The following INF2 variants were observed in gnomAD, a reference collection of about 807,000 sequenced individuals.
The protein encoded by INF2 is inverted formin-2.
A neutral mutation model predicts 123.5 loss-of-function variants in INF2; 43 were observed. The ratio of observed to expected loss-of-function variants is 0.35; its 90% CI spans 0.27 to 0.45. The LOEUF (loss-of-function observed/expected upper bound fraction) is 0.45, where lower values mean the gene tolerates loss of function less well. Among genes scored for constraint, INF2 ranks in the 20% least tolerant of loss-of-function variants. The pLI is 1.00. For missense variants in INF2, 1,453 were observed against 1,682.7 expected, an observed-to-expected ratio of 0.86 and a Z score of 2.39; for synonymous variants, 851 against 745.0, an observed-to-expected ratio of 1.14 and a Z score of -2.32.
rs554841395 is a variant in INF2 at position 104,722,261 on chromosome 14, T to C, written c.*3468T>C. On this transcript the variant is annotated 3_prime_UTR_variant, in exon 23 of 23. Transcript: ENST00000392634. ...TACCCGGGCCCGTGGCTATTTATAGTCCGGGCCTGGAGAAGTCAGTGAGTC... is the reference window on the plus strand; with the variant it reads ...TACCCGGGCCCGTGGCTATTTATAGCCCGGGCCTGGAGAAGTCAGTGAGTC... 1 of 152,380 alleles carries C rather than the reference T, an allele frequency of 6.6e-6. No homozygotes were observed. The highest frequency in any genetic ancestry group is 2.4e-5 in the African/African-American group (1 of 41,554). 9.4% of individuals were successfully genotyped at this position (152,380 alleles called of 1,614,324 possible).
intron 1 of INF2, among the ~76,000 whole-genome samples, chr14:104,697,116 C>T (rs1459213629): frequency 6.6e-6 from 1 of 152,244 alleles, no homozygotes; most frequent in East Asian, 1.9e-4. Context: ...CCTCTCCCTT[C>T]CCTACCAGTG....
chr14:104,719,034 T>A lies in INF2; in HGVS notation c.*241T>A. ...CCTGGACCGCCTGCACGTGCCAGCC[T>A]CCCACCTGCTTCCTAAAGGCAACCC... On this transcript the variant is annotated 3_prime_UTR_variant, in exon 23 of 23. Coordinates refer to ENST00000392634, the MANE Select transcript of INF2 (RefSeq NM_022489.4). 3 of 944,392 alleles carry A rather than the reference T, an allele frequency of 3.2e-6. No individual in the cohort carries two copies. The highest frequency in any genetic ancestry group is 4.5e-6 in the Non-Finnish European group (3 of 672,416). The allele number at this position is 944,392 out of a possible 1,614,324, so 58.5% of individuals were successfully genotyped here.
At chr14:104,688,244 C>G (rs548596497), upstream of INF2, among the ~76,000 whole-genome samples, 1 of 152,384 alleles carries the variant, frequency 6.6e-6, no homozygotes, top group East Asian at 1.9e-4. Flanking sequence ...GCAGCTGCTC[C>G]TGCACTGGGG....
Position 104,707,745 on chromosome 14 carries a change from C to G in INF2, c.1478C>G (p.Pro493Arg), listed in dbSNP as rs1373195576. The change falls in exon 8 of 23, where the codon CCA (proline) becomes CGA (arginine). Residue 493 changes from proline (P) to arginine (R), a missense_variant. By Grantham distance (103) the Pro-to-Arg change is moderately radical. Transcript: ENST00000392634. ...SCEFLPPPPP[P>R]LPGLGCPPPP... ...GAGTTCCTGCCCCCACCACCTCCAC[C>G]ACTCCCGGGCTTGGGATGCCCGCCC... is the stretch of plus-strand genomic sequence containing the variant. The G allele has an allele frequency of 7.4e-7, 1 of 1,353,142 alleles. No homozygotes were observed. The highest frequency in any genetic ancestry group is 1.0e-6 in the Non-Finnish European group (1 of 986,454). The allele number at this position is 1,353,142 out of a possible 1,614,324, so 83.8% of individuals were successfully genotyped here.
At chr14:104,713,658 C>G (rs1381939351) in intron 20 of INF2, 52 bp downstream of exon 20, 6 of 1,577,376 alleles carry the variant, frequency 3.8e-6, no homozygotes, top group East Asian at 2.3e-5. Flanking sequence ...CTGTCCCTAC[C>G]CTGTGCCTCC....
rs1437634396 is a variant in INF2, at chr14:104,699,022, G to A, written c.-9-2335G>A. ...CCCACTGACCAAGGGGGATCCTCTT[G>A]ACTGGGGTCTTTCAGGGGCTTGCAC... On this transcript the variant is annotated intron_variant, in intron 1 of 22. Transcript: ENST00000392634. This position sits in a 1 kb window ranked among gnomAD's most constrained non-coding sequence, Gnocchi z 4.7. Among the ~76,000 whole-genome samples, 5 of 152,196 alleles carry A rather than the reference G, an allele frequency of 3.3e-5. No individual in the cohort carries two copies. Among genetic ancestry groups the A allele is most frequent in the African/African-American group, 1.2e-4 (5 of 41,440 alleles).
At chr14:104,698,094 G>C (rs1280208948) in intron 1 of INF2, among the ~76,000 whole-genome samples, 1 of 152,240 alleles carries the variant, frequency 6.6e-6, no homozygotes, top group African/African-American at 2.4e-5. Context: ...CCTACAGCCG[G>C]GGCTGGGGAG....
intron 22 of INF2, 39 bp from the exon 23 acceptor site, chr14:104,718,756 A>G: frequency 6.2e-7 from 1 of 1,610,758 alleles, no homozygotes; most frequent in African/African-American, 1.3e-5. Context: ...TACCCAGCAA[A>G]ACTGCTCCTA....
chr14:104,713,588 C>T lies in INF2; in HGVS notation c.3022C>T (p.Pro1008Ser). The T allele has an allele frequency of 6.2e-7, 1 of 1,612,570 alleles. No individual in the cohort carries two copies. Among genetic ancestry groups the T allele is most frequent in the African/African-American group, 1.3e-5 (1 of 75,036 alleles). The change falls in exon 20 of 23, where the codon CCA (proline) becomes TCA (serine). Residue 1008 changes from proline (P) to serine (S), a missense_variant. Pro to Ser is a moderately conservative substitution (Grantham distance 74). This residue lies in a region of INF2 where 344 missense variants were observed against 333.1 expected (regional missense o/e 1.03). Transcript: ENST00000392634. ...GGSKAASMDP[P>S]RATEPVATSN... ...CAGCAAGGCAGCCTCCATGGATCCC[C>T]CAAGAGCCACAGAGCCTGGTAAGAC... is the stretch of plus-strand genomic sequence containing the variant.
chr14:104,710,437 ACT>A (rs567997527), intron 13 of INF2, among the ~76,000 whole-genome samples: 2 of 148,038 alleles, frequency 1.4e-5, no homozygotes, highest in South Asian at 2.3e-4. Context: ...GCACACTGCC[ACT>A]CTCCGGCACG....
At chr14:104,692,525 C>T (rs1889004611) in intron 1 of INF2, among the ~76,000 whole-genome samples, 1 of 152,204 alleles carries the variant, frequency 6.6e-6, no homozygotes, top group Non-Finnish European at 1.5e-5. Flanking sequence ...GCTGGCACTG[C>T]CACTCTGGGA....
In INF2 at chr14:104,699,743, C is replaced by A. The variant is rs1889382441; in HGVS notation, c.-9-1614C>A. ...GGGAGGAGGGGCATCCCAAGGACAG[C>A]CTCTCAGGATGCTCCTGGCAGCCTG... is the stretch of plus-strand genomic sequence containing the variant. On this transcript the variant is annotated intron_variant, in intron 1 of 22. Transcript: ENST00000392634. The surrounding 1 kb of genome is among the most constrained non-coding windows in gnomAD (Gnocchi z 4.7). 1 of 286,298 alleles carries A rather than the reference C, an allele frequency of 3.5e-6. No homozygotes were observed. Among genetic ancestry groups the A allele is most frequent in the Non-Finnish European group, 5.2e-6 (1 of 190,612 alleles). The allele number at this position is 286,298 out of a possible 1,614,324, so 17.7% of individuals were successfully genotyped here. A position where few individuals can be genotyped will look rare whatever the true frequency, so the allele number is the denominator to read the frequency against.
upstream of INF2, among the ~76,000 whole-genome samples, chr14:104,685,551 C>T (rs1252078211): frequency 7.6e-6 from 1 of 131,722 alleles, no homozygotes; most frequent in Non-Finnish European, 1.6e-5. Context: ...CCCAAGGTGC[C>T]ACAGCTGGAA....
At chr14:104,686,851 C>T (rs975130854), upstream of INF2, among the ~76,000 whole-genome samples, 2 of 152,224 alleles carry the variant, frequency 1.3e-5, no homozygotes, top group Non-Finnish European at 2.9e-5. Flanking sequence ...CTGTTTCTAG[C>T]AGAACTCAAG....
rs1888607303 is a variant in INF2 at position 104,684,272 on chromosome 14, G to A, written c.-104+2690G>A. ...AGGGCTCACTGGAGGTCAGCAGGGA[G>A]GTGGACTGCGTCTCCCGAGGGCCAG... On this transcript the variant is annotated intron_variant, in intron 1 of 2. Coordinates refer to the INF2 transcript ENST00000674723. The surrounding 1 kb of genome is among the most constrained non-coding windows in gnomAD (Gnocchi z 5.0). The A allele has an allele frequency of 2.6e-6, 1 of 392,034 alleles. No homozygotes were observed. Among genetic ancestry groups the A allele is most frequent in the African/African-American group, 2.1e-5 (1 of 48,172 alleles). The allele number at this position is 392,034 out of a possible 1,614,324, so 24.3% of individuals were successfully genotyped here.
rs978246655 is a variant in INF2, at chr14:104,699,831, G to A, written c.-9-1526G>A. On this transcript the variant is annotated intron_variant, in intron 1 of 22. Transcript: ENST00000392634. This position sits in a 1 kb window ranked among gnomAD's most constrained non-coding sequence, Gnocchi z 4.7. ...AGGATGAGTGACTGGGCCAAGGTCT[G>A]CTGGTGAGGGCCCGGGCTGGGGACA... Among the ~76,000 whole-genome samples, 6 of 152,184 alleles carry A rather than the reference G, an allele frequency of 3.9e-5. No individual in the cohort carries two copies. The highest frequency in any genetic ancestry group is 8.8e-5 in the Non-Finnish European group (6 of 68,016).
Position 104,699,407 on chromosome 14 carries a change from TTCA to T in INF2, c.-9-1948_-9-1946del, listed in dbSNP as rs1889364114. The T allele has an allele frequency of 1.0e-6, 1 of 985,150 alleles. No homozygotes were observed. The highest frequency in any genetic ancestry group is 1.7e-5 in the African/African-American group (1 of 57,158). 61.0% of individuals were successfully genotyped at this position (985,150 alleles called of 1,614,324 possible). A position where few individuals can be genotyped will look rare whatever the true frequency, so the allele number is the denominator to read the frequency against. On this transcript the variant is annotated intron_variant, in intron 1 of 22. Coordinates refer to ENST00000392634, the MANE Select transcript of INF2 (RefSeq NM_022489.4). The surrounding 1 kb of genome is among the most constrained non-coding windows in gnomAD (Gnocchi z 4.7). The stretch of plus-strand genomic sequence containing the variant: ...ATGCAGAGGCCCGGCTGCCTGGCTC[TTCA>T]TGGTGGTGGGAGCAACCCTACTGCC...
chr14:104,698,610 C>A (rs1889315862), intron 1 of INF2, among the ~76,000 whole-genome samples: 1 of 152,250 alleles, frequency 6.6e-6, no homozygotes, highest in Non-Finnish European at 1.5e-5. Context: ...AGGTCCCAGC[C>A]ATTTGGGGCC....
At chr14:104,702,950 GT>G (rs1889598490) in intron 2 of INF2, among the ~76,000 whole-genome samples, 154 bp from the exon 3 acceptor site, 1 of 152,220 alleles carries the variant, frequency 6.6e-6, no homozygotes, top group South Asian at 2.1e-4. Flanking sequence ...GGGGCACCTC[GT>G]TGGGTCCCAG....
Sources: gnomAD v4.1 joint callset for allele counts (sites outside exome capture counted in the v4.1 genomes callset) on GRCh38, gnomAD v4.1.1 for gene constraint, gnomAD v4.1.1 regional missense constraint, Gnocchi (gnomAD v3.1) non-coding constraint, MANE v1.5 for transcripts, NCBI Gene and HGNC (gene_info 2026-07-23, HGNC 2026-07-21) for gene names.